SPDYE4: variants seen among roughly 807,000 people sequenced by gnomAD.
SPDYE4 encodes the protein speedy protein E4.
Under a neutral mutation model 37.5 loss-of-function variants are expected in SPDYE4, and 30 were observed. That is an observed-to-expected ratio of 0.80 (90% CI 0.60 to 1.09). SPDYE4 has a LOEUF of 1.09. SPDYE4 is among the 50% of genes least tolerant of loss of function. The pLI, the probability that SPDYE4 is intolerant of heterozygous loss-of-function variation, is 0.00. For synonymous variants in SPDYE4, 131 were observed against 120.3 expected (o/e 1.09, Z -0.58); for missense variants, 300 against 307.9 (o/e 0.97, Z 0.19).
intron 6 of SPDYE4, among the ~76,000 whole-genome samples, chr17:8,752,870 C>T (rs935484078): frequency 6.6e-6 from 1 of 152,100 alleles, no homozygotes; most frequent in African/African-American, 2.4e-5. Flanking sequence ...AATCACAGCT[C>T]ACTGCAGCCC....
chr17:8,756,653 C>CA (rs778638298), intron 2 of SPDYE4, among the ~76,000 whole-genome samples: 1 of 152,152 alleles, frequency 6.6e-6, no homozygotes, highest in Admixed American at 6.5e-5. Flanking sequence ...CCTCTGGTGT[C>CA]AGAGTCTACA....
At chr17:8,755,644 T>A in intron 3 of SPDYE4, 39 bp from the exon 4 acceptor site, 2 of 1,601,382 alleles carry the variant, frequency 1.2e-6, no homozygotes, top group Middle Eastern at 1.7e-4. Flanking sequence ...GAAAGGTTGG[T>A]CACATCCTGG....
downstream of SPDYE4, among the ~76,000 whole-genome samples, chr17:8,750,756 G>A (rs554112846): frequency 5.8e-4 from 89 of 152,210 alleles, 1 homozygote; most frequent in South Asian, 0.018. Context: ...TTATTTTCCA[G>A]GGTTAATAGA....
At position 8,758,338 on chromosome 17, in the gene SPDYE4, G is replaced by C. The variant is rs1382055084; in HGVS notation, c.45C>G (p.Pro15=). Residue 15 remains proline (P), a synonymous_variant, in exon 1 of 7, where the codon CCC becomes CCG. Transcript: ENST00000689094. The stretch of plus-strand genomic sequence containing the variant: ...GGGACCGTACCGTTGTGCTAGGCTG[G>C]GGGCTCTCCTCCTCAAACGGGGGGC... ...QARPPFEEES[P]QPSTTVRSPE... 1 of 1,551,478 alleles carries C rather than the reference G, an allele frequency of 6.4e-7. No homozygotes were observed. Among genetic ancestry groups the C allele is most frequent in the South Asian group, 1.2e-5 (1 of 84,038 alleles).
In SPDYE4 at chr17:8,757,431, C is replaced by T; in HGVS notation, c.171G>A (p.Trp57Ter). 1.3e-6 allele frequency: 2 copies of T among 1,597,678 alleles called. No homozygotes were observed. Among genetic ancestry groups the T allele is most frequent in the Non-Finnish European group, 1.7e-6 (2 of 1,171,836 alleles). The change falls in exon 2 of 7, where the codon TGG becomes TGA. Residue 57 changes from tryptophan (W) to a stop codon, truncating the protein, a stop_gained. Coordinates refer to ENST00000689094, the MANE Select transcript of SPDYE4 (RefSeq NM_001394956.1). LOFTEE classifies it high-confidence loss of function. Reference protein sequence around the residue: ...QSLGLKRKSEWSDESEEELEE... With the variant: ...QSLGLKRKSE Reference sequence around the variant, plus strand: ...CCAGCTCCTCCTCGGATTCGTCTGACCATTCGCTCTTCCTTTTCAGGCCAA... The same window carrying T: ...CCAGCTCCTCCTCGGATTCGTCTGATCATTCGCTCTTCCTTTTCAGGCCAA...
downstream of SPDYE4, among the ~76,000 whole-genome samples, chr17:8,749,265 G>A (rs1238796714): frequency 2.0e-5 from 2 of 98,650 alleles, no homozygotes; most frequent in African/African-American, 3.4e-5. Flanking sequence ...GCTAAGTTTC[G>A]TATTTTTTTT....
At chr17:8,756,658 T>C (rs2086775237) in intron 2 of SPDYE4, among the ~76,000 whole-genome samples, 1 of 152,002 alleles carries the variant, frequency 6.6e-6, no homozygotes, top group Admixed American at 6.6e-5. Flanking sequence ...GGTGTCAGAG[T>C]CTACAGGATG....
chr17:8,747,811 A>T (rs1024240849), downstream of SPDYE4, among the ~76,000 whole-genome samples: 1 of 152,170 alleles, frequency 6.6e-6, no homozygotes, highest in African/African-American at 2.4e-5. Context: ...CTCAAAATTC[A>T]TATGTTGAAA....
rs370452621 is a variant in SPDYE4 at position 8,753,317 on chromosome 17, C to A, written c.654+4G>T. 30 of 1,568,722 alleles carry A rather than the reference C, an allele frequency of 1.9e-5. No individual in the cohort carries two copies. The East Asian group carries it at 6.5e-4, about 34-fold the overall frequency. On this transcript the variant is annotated splice_donor_region_variant and intron_variant, in intron 5 of 6. Coordinates refer to ENST00000689094, the MANE Select transcript of SPDYE4 (RefSeq NM_001394956.1). Reference sequence around the variant, plus strand: ...CCCCCACCTCCTCATATGGCCCCACCTACCTCCTCCATCTCCTCTGGGGAA... The same window carrying A: ...CCCCCACCTCCTCATATGGCCCCACATACCTCCTCCATCTCCTCTGGGGAA...
rs555490526 is a variant in SPDYE4, at chr17:8,758,207, A to C, written c.109+67T>G. ...CCCTACTCAGGTGCTTCAGATTCCC[A>C]GTAACTGGCCCCCTTCCCTCTCCTC... On this transcript the variant is annotated intron_variant, in intron 1 of 6. Coordinates refer to ENST00000689094, the MANE Select transcript of SPDYE4 (RefSeq NM_001394956.1). 3.1e-5 allele frequency: 41 copies of C among 1,311,636 alleles called. No homozygotes were observed. In the African/African-American group the frequency reaches 5.8e-4, roughly 19 times the overall value. The allele number at this position is 1,311,636 out of a possible 1,614,324, so 81.2% of individuals were successfully genotyped here. A position where few individuals can be genotyped will look rare whatever the true frequency, so the allele number is the denominator to read the frequency against.
downstream of SPDYE4, among the ~76,000 whole-genome samples, chr17:8,749,414 C>G (rs1567539485): frequency 6.6e-6 from 1 of 152,124 alleles, no homozygotes; most frequent in Non-Finnish European, 1.5e-5. Flanking sequence ...CAGGCGCATG[C>G]CACTATGCCC....
Position 8,756,464 on chromosome 17 carries a change from G to A in SPDYE4, c.341-28C>T, listed in dbSNP as rs564445102. On this transcript the variant is annotated intron_variant, in intron 2 of 6. Coordinates refer to ENST00000689094, the MANE Select transcript of SPDYE4 (RefSeq NM_001394956.1). ...GTGAAAAGAGAGCCTGTGTCAGGGT[G>A]AGAAGTGGAACAGGGTTGCCGTGGG... 6.2e-5 allele frequency: 100 copies of A among 1,611,276 alleles called. No homozygotes were observed. The South Asian group carries it at 9.1e-4, about 15-fold the overall frequency.
At chr17:8,757,548 G>A (rs534319428) in intron 1 of SPDYE4, 56 bp from the exon 2 acceptor site, 50 of 1,548,348 alleles carry the variant, frequency 3.2e-5, no homozygotes, top group South Asian at 1.7e-4. Flanking sequence ...CACCTTAGAC[G>A]CCCCGACCCA....
intron 1 of SPDYE4, 146 bp from the exon 2 acceptor site, chr17:8,757,638 T>TCTCCTG (rs2151146285): frequency 1.3e-6 from 1 of 788,158 alleles, no homozygotes; most frequent in Non-Finnish European, 2.0e-6. Flanking sequence ...CCTTTCTCCT[T>TCTCCTG]TGCTGATCCC....
rs920356904 is a variant in SPDYE4, at chr17:8,751,935, A to C, written c.*347T>G. Among the ~76,000 whole-genome samples the C allele has an allele frequency of 6.6e-6, 1 of 152,224 alleles. No homozygotes were observed. The highest frequency in any genetic ancestry group is 2.1e-4 in the South Asian group (1 of 4,836). ...TGTGGCAACCAAGTCCATAGGAAAC[A>C]GGAACTCCAGCTTCCAGCCCAGGGG... On this transcript the variant is annotated 3_prime_UTR_variant, in exon 7 of 7. Transcript: ENST00000689094.
rs575306333 is a variant in SPDYE4, at chr17:8,751,865, C to G, written c.*417G>C. 6.6e-6 allele frequency among the ~76,000 whole-genome samples: 1 copy of G among 152,124 alleles called. No individual in the cohort carries two copies. Among genetic ancestry groups the G allele is most frequent in the Admixed American group, 6.5e-5 (1 of 15,280 alleles). ...TAATTTCATATTTTACAAAGAATTC[C>G]GTAACAATCTGAGTGCCTGCGCTGT... On this transcript the variant is annotated 3_prime_UTR_variant, in exon 7 of 7. Coordinates refer to ENST00000689094, the MANE Select transcript of SPDYE4 (RefSeq NM_001394956.1).
intron 5 of SPDYE4, 21 bp from the exon 6 acceptor site, chr17:8,753,218 TGAGAAGCCAGG>T (rs2086741841): frequency 6.2e-7 from 1 of 1,613,932 alleles, no homozygotes. Context: ...ACACACCACT[TGAGAAGCCAGG>T]GATTCCCCAG....
intron 1 of SPDYE4, among the ~76,000 whole-genome samples, 188 bp from the exon 2 acceptor site, chr17:8,757,680 C>T (rs191280764): frequency 1.4e-3 from 207 of 152,270 alleles, no homozygotes; most frequent in Middle Eastern, 3.4e-3. Context: ...CCCATTCTTC[C>T]GGCTCTCTGT....
intron 5 of SPDYE4, 35 bp downstream of exon 5, chr17:8,753,286 T>G: frequency 2.1e-4 from 68 of 328,698 alleles, no homozygotes; most frequent in Non-Finnish European, 2.8e-4. Context: ...ACCCCATCCC[T>G]CCCCACCCCC....
Sources: gnomAD v4.1 joint callset for allele counts (sites outside exome capture counted in the v4.1 genomes callset) on GRCh38, gnomAD v4.1.1 for gene constraint, MANE v1.5 for transcripts, NCBI Gene and HGNC (gene_info 2026-07-23, HGNC 2026-07-21) for gene names.